Variants in MTMR3 observed in about 807,000 individuals in gnomAD.
The protein encoded by MTMR3 is phosphatidylinositol-3,5-bisphosphate 3-phosphatase MTMR3.
In MTMR3, 32 loss-of-function variants were observed where a neutral mutation model predicts 132.4. That is an observed-to-expected ratio of 0.24 (90% CI 0.18 to 0.32). MTMR3 has a LOEUF of 0.32. Ranked by LOEUF, MTMR3 falls within the 10% of genes least tolerant of loss-of-function variation. MTMR3 has a pLI of 1.00. For synonymous variants in MTMR3, 556 were observed against 550.3 expected (o/e 1.01, Z -0.14); for missense variants, 1,216 against 1,489.6 (o/e 0.82, Z 3.02).
At chr22:30,024,077 C>G (rs2067840978) in intron 19 of MTMR3, 1 of 152,764 alleles carries the variant, frequency 6.5e-6, no homozygotes, top group Middle Eastern at 3.4e-3. Flanking sequence ...GGCAGATCAC[C>G]TGAGGTCAGG....
At chr22:29,890,231 T>C (rs2064769085) in intron 1 of MTMR3, among the ~76,000 whole-genome samples, 1 of 151,930 alleles carries the variant, frequency 6.6e-6, no homozygotes. Context: ...AAAGTGGGTT[T>C]ATTACCTGGG....
intron 1 of MTMR3, among the ~76,000 whole-genome samples, chr22:29,897,370 C>T (rs1225106941): frequency 6.6e-6 from 1 of 152,066 alleles, no homozygotes; most frequent in Non-Finnish European, 1.5e-5. Context: ...CCACCATGTC[C>T]AGCCCATTCA....
At position 29,957,082 on chromosome 22, in the gene MTMR3, T is replaced by A. The variant is rs1226694396; in HGVS notation, c.-91T>A. The A allele has an allele frequency of 6.6e-6, 1 of 152,182 alleles. No individual in the cohort carries two copies. Among genetic ancestry groups the A allele is most frequent in the Non-Finnish European group, 1.5e-5 (1 of 68,004 alleles). The allele number at this position is 152,182 out of a possible 1,614,324, so 9.4% of individuals were successfully genotyped here. A position where few individuals can be genotyped will look rare whatever the true frequency, so the allele number is the denominator to read the frequency against. On this transcript the variant is annotated 5_prime_UTR_variant, in exon 2 of 20. Coordinates refer to ENST00000401950, the MANE Select transcript of MTMR3 (RefSeq NM_021090.4). ...GTAGAAAAAGTTCTTGGGACAAACT[T>A]CATTTGGTAAGTTTGTTTCTCCCCT...
At chr22:29,926,928 A>T (rs947801542) in intron 1 of MTMR3, among the ~76,000 whole-genome samples, 3 of 152,078 alleles carry the variant, frequency 2.0e-5, no homozygotes, top group Non-Finnish European at 4.4e-5. Context: ...GGTTATGAAG[A>T]TTTACTCCTG....
chr22:29,999,617 C>T (rs1389445634), intron 8 of MTMR3: 1 of 152,144 alleles, frequency 6.6e-6, no homozygotes, highest in Non-Finnish European at 1.5e-5. Flanking sequence ...TGGAGCATTT[C>T]AGATTTTTGG....
At chr22:29,967,769 C>T (rs1333581634) in intron 2 of MTMR3, among the ~76,000 whole-genome samples, 4 of 152,050 alleles carry the variant, frequency 2.6e-5, no homozygotes, top group Admixed American at 2.6e-4. Flanking sequence ...GTGGATTTAC[C>T]TTTTCTGGAC....
intron 1 of MTMR3, among the ~76,000 whole-genome samples, chr22:29,923,519 G>A (rs2065460496): frequency 1.3e-5 from 2 of 152,264 alleles, no homozygotes; most frequent in Admixed American, 6.5e-5. Flanking sequence ...GGGATGTTGA[G>A]TATCTTTTCT....
intron 1 of MTMR3, among the ~76,000 whole-genome samples, chr22:29,918,826 A>G (rs1331025025): frequency 6.6e-6 from 1 of 152,238 alleles, no homozygotes; most frequent in Non-Finnish European, 1.5e-5. Flanking sequence ...TGGATTCTAA[A>G]AGGTAGAAGG....
chr22:29,970,365 G>A lies in MTMR3; in HGVS notation c.-84-611G>A, dbSNP rs1001368930. 1.3e-5 allele frequency among the ~76,000 whole-genome samples: 2 copies of A among 152,038 alleles called. 1 individual carries two copies. Among genetic ancestry groups the A allele is most frequent in the South Asian group, 4.1e-4 (2 of 4,836 alleles). ...ATTTATTTTTTTGAGACAGAGTCTT[G>A]CTCTGTTGCCCAGACTAGAGTGCAG... is the stretch of plus-strand genomic sequence containing the variant. On this transcript the variant is annotated intron_variant, in intron 2 of 19. Transcript: ENST00000401950.
Position 29,991,604 on chromosome 22 carries a change from T to C in MTMR3, c.394T>C (p.Tyr132His). 1 of 1,614,046 alleles carries C rather than the reference T, an allele frequency of 6.2e-7. No individual in the cohort carries two copies. Among genetic ancestry groups the C allele is most frequent in the South Asian group, 1.1e-5 (1 of 91,054 alleles). Residue 132 changes from tyrosine (Y) to histidine (H), a missense_variant, in exon 7 of 20, where the codon TAC becomes CAC. By Grantham distance (83) the Tyr-to-His change is moderately conservative (BLOSUM62 2). This residue lies in a region of MTMR3 where 129 missense variants were observed against 245.7 expected (regional missense o/e 0.53). Transcript: ENST00000401950. ...AATAGAAGATCTCTTCTCATTTGCA[T>C]ACCATGCTTGGTGCATGGAGGTCTA... is the stretch of plus-strand genomic sequence containing the variant. ...AKIEDLFSFA[Y>H]HAWCMEVYAS... is the part of the protein sequence containing the mutation.
chr22:29,931,433 T>C (rs1331417043), intron 1 of MTMR3, among the ~76,000 whole-genome samples: 1 of 152,206 alleles, frequency 6.6e-6, no homozygotes, highest in Non-Finnish European at 1.5e-5. Flanking sequence ...TATTTTGTTT[T>C]GTTTTTGAGA....
intron 1 of MTMR3, among the ~76,000 whole-genome samples, chr22:29,935,714 ATTG>A (rs1474572198): frequency 6.7e-6 from 1 of 149,092 alleles, no homozygotes; most frequent in African/African-American, 2.5e-5. Context: ...TTACTGTCTG[ATTG>A]AATGATCTCT....
intron 1 of MTMR3, among the ~76,000 whole-genome samples, chr22:29,954,269 T>G (rs2066145293): frequency 6.6e-6 from 1 of 151,750 alleles, no homozygotes. Context: ...TTATTTTATT[T>G]TATTTTTATT....
chr22:29,978,452 C>T lies in MTMR3; in HGVS notation c.14C>T (p.Thr5Ile). MDEETRHSLECIQAN... is the reference protein window; with the variant it reads MDEEIRHSLECIQAN... ...TTTGGACTTTTCCAGGATGAAGAGA[C>T]TCGGCACAGCCTTGAGTGCATCCAG... The change falls in exon 4 of 20, where the codon ACT becomes ATT. Residue 5 changes from threonine (T) to isoleucine (I), a missense_variant. Around this residue, in one of 7 missense-constraint regions of MTMR3, gnomAD observed 81 missense variants for 87.7 expected, o/e 0.92. Coordinates refer to ENST00000401950, the MANE Select transcript of MTMR3 (RefSeq NM_021090.4). 1 of 1,611,936 alleles carries T rather than the reference C, an allele frequency of 6.2e-7. No individual in the cohort carries two copies. Among genetic ancestry groups the T allele is most frequent in the Non-Finnish European group, 8.5e-7 (1 of 1,178,542 alleles).
At chr22:29,908,372 C>T (rs538715232) in intron 1 of MTMR3, among the ~76,000 whole-genome samples, 3 of 152,330 alleles carry the variant, frequency 2.0e-5, no homozygotes, top group African/African-American at 7.2e-5. Context: ...GAAACCAAAG[C>T]AAGACCAGAA....
At chr22:29,894,782 C>G (rs2064861874) in intron 1 of MTMR3, among the ~76,000 whole-genome samples, 1 of 152,108 alleles carries the variant, frequency 6.6e-6, no homozygotes, top group Non-Finnish European at 1.5e-5. Flanking sequence ...GTGATTAGAG[C>G]TTGTTGGCTT....
At chr22:29,942,848 A>G (rs980400757) in intron 1 of MTMR3, among the ~76,000 whole-genome samples, 5 of 152,194 alleles carry the variant, frequency 3.3e-5, no homozygotes, top group African/African-American at 9.7e-5. Flanking sequence ...GTTCAAACAC[A>G]CATGCTCTAC....
intron 1 of MTMR3, among the ~76,000 whole-genome samples, chr22:29,897,363 C>G (rs916122301): frequency 6.6e-6 from 1 of 152,164 alleles, no homozygotes; most frequent in African/African-American, 2.4e-5. Context: ...GCGTAAGCCA[C>G]CATGTCCAGC....
At chr22:29,899,980 T>C (rs2064973796) in intron 1 of MTMR3, among the ~76,000 whole-genome samples, 1 of 152,222 alleles carries the variant, frequency 6.6e-6, no homozygotes, top group Non-Finnish European at 1.5e-5. Flanking sequence ...GTCTTTTAGC[T>C]TTTGATGTAA....
Sources: gnomAD v4.1 joint callset for allele counts (sites outside exome capture counted in the v4.1 genomes callset) on GRCh38, gnomAD v4.1.1 for gene constraint, gnomAD v4.1.1 regional missense constraint, MANE v1.5 for transcripts, NCBI Gene and HGNC (gene_info 2026-07-23, HGNC 2026-07-21) for gene names.